Variants in GTF2H5 observed in about 807,000 individuals in gnomAD.
GTF2H5 encodes the protein TFB5 ortholog.
Under a neutral mutation model 7.1 loss-of-function variants are expected in GTF2H5, and 5 were observed. That is an observed-to-expected ratio of 0.71 (90% CI 0.37 to 1.49). The LOEUF is 1.49. Among genes scored for constraint, GTF2H5 ranks in the 40% most tolerant of loss-of-function variants. The pLI, the probability that GTF2H5 is intolerant of heterozygous loss-of-function variation, is 0.03. For synonymous variants in GTF2H5, 30 were observed against 31.7 expected (o/e 0.95, Z 0.18); for missense variants, 80 against 83.0 (o/e 0.96, Z 0.14).
rs1162555010 is a variant in GTF2H5 at position 158,169,787 on chromosome 6, A to ATATAATATATTG, written c.-34-679_-34-678insATATATTGTATA. 1.4e-3 allele frequency among the ~76,000 whole-genome samples: 147 copies of ATATAATATATTG among 105,894 alleles called. 10 individuals are homozygous for ATATAATATATTG. The highest frequency in any genetic ancestry group is 6.5e-3 in the African/African-American group (145 of 22,140). The allele number at this position is 105,894 out of a possible 152,430, so 69.5% of individuals were successfully genotyped here. ...TATTATATATAATATATTGTATATT[A>ATATAATATATTG]TATATTATATATTGTATATTATATA... On this transcript the variant is annotated intron_variant, in intron 1 of 2. Transcript: ENST00000607778.
rs1270229749 is a variant in GTF2H5 at position 158,169,655 on chromosome 6, A to ATAGTATATTGTATATTG, written c.-34-813_-34-812insGTATATTGTATATTGTA. On this transcript the variant is annotated intron_variant, in intron 1 of 2. Transcript: ENST00000607778. ...GTATATTACATATATTGTATATTAC[A>ATAGTATATTGTATATTG]TATAATATATTGTATATTATATAAT... 4.6e-4 allele frequency among the ~76,000 whole-genome samples: 26 copies of ATAGTATATTGTATATTG among 56,446 alleles called. 1 individual carries two copies. The highest frequency in any genetic ancestry group is 2.8e-3 in the African/African-American group (26 of 9,310). 37.0% of individuals were successfully genotyped at this position (56,446 alleles called of 152,430 possible).
intron 1 of GTF2H5, among the ~76,000 whole-genome samples, chr6:158,169,773 A>ATATATTTTATATTATATATAT (rs1230587644): frequency 1.2e-5 from 1 of 83,960 alleles, no homozygotes; most frequent in Non-Finnish European, 2.2e-5. Flanking sequence ...ATTATATATA[A>ATATATTTTATATTATATATAT]TATATTGTAT....
chr6:158,169,460 T>C (rs1785738279), intron 1 of GTF2H5, among the ~76,000 whole-genome samples: 1 of 72,560 alleles, frequency 1.4e-5, no homozygotes, highest in African/African-American at 6.4e-5. Flanking sequence ...ATATTATATA[T>C]ATTATATTGT....
intron 2 of GTF2H5, among the ~76,000 whole-genome samples, chr6:158,177,929 CG>C (rs1785954761): frequency 6.6e-6 from 1 of 152,082 alleles, no homozygotes; most frequent in African/African-American, 2.4e-5. Flanking sequence ...CATAGTATTC[CG>C]TGGTGTATAT....
In GTF2H5 at chr6:158,181,237, AGTTT is replaced by A. The variant is rs1289584174; in HGVS notation, c.35+10703_35+10706del. 7.2e-5 allele frequency among the ~76,000 whole-genome samples: 11 copies of A among 152,284 alleles called. No homozygotes were observed. In the East Asian group the frequency reaches 2.1e-3, roughly 29 times the overall value. ...TTGATTGCACTGTGGTCTGAGAGACAGTTTGTTGTGATTTCTGTTCTTTTACATT... is the reference window on the plus strand; with the variant it reads ...TTGATTGCACTGTGGTCTGAGAGACAGTTGTGATTTCTGTTCTTTTACATT... On this transcript the variant is annotated intron_variant, in intron 2 of 2. Coordinates refer to ENST00000607778, the MANE Select transcript of GTF2H5 (RefSeq NM_207118.3).
intron 2 of GTF2H5, chr6:158,190,820 T>C (rs1583638647): frequency 7.3e-6 from 3 of 412,880 alleles, no homozygotes; most frequent in East Asian, 6.0e-5. Flanking sequence ...TGGTGCAGCT[T>C]GACATTTTTA....
chr6:158,179,892 G>C (rs555162141), intron 2 of GTF2H5, among the ~76,000 whole-genome samples: 1 of 152,260 alleles, frequency 6.6e-6, no homozygotes, highest in South Asian at 2.1e-4. Context: ...GGAGTGGTGA[G>C]AGAGGGCATC....
chr6:158,169,136 A>G (rs1003750438), intron 1 of GTF2H5, among the ~76,000 whole-genome samples: 1 of 149,988 alleles, frequency 6.7e-6, no homozygotes, highest in Non-Finnish European at 1.5e-5. Context: ...TGGGAGGCTG[A>G]GGCAGGAGAA....
intron 2 of GTF2H5, among the ~76,000 whole-genome samples, chr6:158,188,182 C>G (rs1776961426): frequency 6.6e-6 from 1 of 152,136 alleles, no homozygotes. Flanking sequence ...TGAGTCCTCC[C>G]TTGTTTGCAA....
At position 158,193,195 on chromosome 6, in the gene GTF2H5, AG is replaced by A. The variant is rs1777056460; in HGVS notation, c.*1040del. Reference sequence around the variant, plus strand: ...CTGCCTGTTGTCCCAGCCACTGGGGAGGCTGAGGTAGGAGGTCAAGGCTGCA... The same window carrying A: ...CTGCCTGTTGTCCCAGCCACTGGGGAGCTGAGGTAGGAGGTCAAGGCTGCA... On this transcript the variant is annotated 3_prime_UTR_variant, in exon 3 of 3. Coordinates refer to ENST00000607778, the MANE Select transcript of GTF2H5 (RefSeq NM_207118.3). 1.2e-5 allele frequency: 1 copy of A among 86,024 alleles called. No individual in the cohort carries two copies. Among genetic ancestry groups the A allele is most frequent in the Admixed American group, 1.4e-4 (1 of 6,972 alleles). 5.3% of individuals were successfully genotyped at this position (86,024 alleles called of 1,614,324 possible). A position where few individuals can be genotyped will look rare whatever the true frequency, so the allele number is the denominator to read the frequency against.
intron 2 of GTF2H5, among the ~76,000 whole-genome samples, chr6:158,179,071 C>G (rs1785971124): frequency 6.6e-6 from 1 of 152,148 alleles, no homozygotes. Context: ...TATGGCTAGC[C>G]AGTTTTCCCG....
At chr6:158,181,893 A>G (rs1316994513) in intron 2 of GTF2H5, among the ~76,000 whole-genome samples, 1 of 152,118 alleles carries the variant, frequency 6.6e-6, no homozygotes, top group Non-Finnish European at 1.5e-5. Flanking sequence ...TAATATTGTT[A>G]TGTGTGAATT....
At chr6:158,178,436 G>T (rs904909452) in intron 2 of GTF2H5, among the ~76,000 whole-genome samples, 2 of 121,486 alleles carry the variant, frequency 1.6e-5, no homozygotes, top group South Asian at 5.3e-4. Flanking sequence ...CAGCCTGGGA[G>T]ACAGAGCGAG....
At chr6:158,180,684 G>A (rs1785997757) in intron 2 of GTF2H5, among the ~76,000 whole-genome samples, 1 of 152,062 alleles carries the variant, frequency 6.6e-6, no homozygotes, top group South Asian at 2.1e-4. Flanking sequence ...TCTGATGGTA[G>A]TTTATATTTC....
At chr6:158,173,094 G>A (rs767318218) in intron 2 of GTF2H5, among the ~76,000 whole-genome samples, 4 of 152,158 alleles carry the variant, frequency 2.6e-5, no homozygotes, top group Non-Finnish European at 5.9e-5. Flanking sequence ...TCAGAATTGT[G>A]CATACAAAGA....
chr6:158,169,660 A>ATATATTGTATATTGTATATTATATTG (rs1562469021), intron 1 of GTF2H5, among the ~76,000 whole-genome samples: 1 of 84,684 alleles, frequency 1.2e-5, no homozygotes, highest in African/African-American at 5.5e-5. Context: ...ATTACATATA[A>ATATATTGTATATTGTATATTATATTG]TATATTGTAT....
intron 2 of GTF2H5, among the ~76,000 whole-genome samples, chr6:158,171,672 G>A (rs538316103): frequency 1.3e-5 from 2 of 152,302 alleles, no homozygotes; most frequent in South Asian, 4.1e-4. Flanking sequence ...AGGAAAGGGA[G>A]GTGAGGAGGT....
chr6:158,178,954 T>C (rs1382308238), intron 2 of GTF2H5, among the ~76,000 whole-genome samples: 1 of 152,266 alleles, frequency 6.6e-6, no homozygotes, highest in Non-Finnish European at 1.5e-5. Flanking sequence ...GCCCAGGTTT[T>C]CTTCTAGGAT....
chr6:158,176,199 C>T (rs1009790156), intron 2 of GTF2H5, among the ~76,000 whole-genome samples: 1 of 152,164 alleles, frequency 6.6e-6, no homozygotes, highest in African/African-American at 2.4e-5. Flanking sequence ...TACTATCTCT[C>T]CATTATAAAA....
Sources: gnomAD v4.1 joint callset for allele counts (sites outside exome capture counted in the v4.1 genomes callset) on GRCh38, gnomAD v4.1.1 for gene constraint, MANE v1.5 for transcripts, NCBI Gene and HGNC (gene_info 2026-07-23, HGNC 2026-07-21) for gene names.